The following PDE5A variants were observed in gnomAD, a reference collection of about 807,000 sequenced individuals.
The protein encoded by PDE5A is cGMP-specific 3',5'-cyclic phosphodiesterase.
PDE5A carries 67 observed loss-of-function variants against 110.2 expected under a neutral mutation model. The ratio of observed to expected loss-of-function variants is 0.61; its 90% CI spans 0.50 to 0.75. The LOEUF is 0.75. PDE5A is among the 30% of genes least tolerant of loss of function. The pLI is 0.00. For missense variants in PDE5A, 862 were observed against 1,045.1 expected (o/e 0.82, Z 2.42); for synonymous variants, 328 against 351.2 (o/e 0.93, Z 0.74).
intron 3 of PDE5A, among the ~76,000 whole-genome samples, chr4:119,575,777 AC>A (rs1218983628): frequency 6.6e-6 from 1 of 152,224 alleles, no homozygotes; most frequent in African/African-American, 2.4e-5. Context: ...AACTGCATCA[AC>A]TAACGAGTAA....
At chr4:119,532,148 T>C (rs1322837836) in intron 11 of PDE5A, among the ~76,000 whole-genome samples, 1 of 152,178 alleles carries the variant, frequency 6.6e-6, no homozygotes, top group African/African-American at 2.4e-5. Context: ...TTATAGGCTT[T>C]CTAAAAGTCT....
At chr4:119,520,295 GGAATCACTTACCTA>G (rs1726077043) in intron 13 of PDE5A, among the ~76,000 whole-genome samples, 2 of 152,050 alleles carry the variant, frequency 1.3e-5, no homozygotes, top group African/African-American at 4.8e-5. Flanking sequence ...ATGGATGCCT[GGAATCACTTACCTA>G]GAATAACTAG....
chr4:119,619,434 C>A (rs1560645817), intron 1 of PDE5A, among the ~76,000 whole-genome samples: 1 of 152,150 alleles, frequency 6.6e-6, no homozygotes, highest in Admixed American at 6.5e-5. Flanking sequence ...GTTTGAGGTT[C>A]ATTAACTTGA....
chr4:119,611,447 G>T (rs1368796515), intron 1 of PDE5A, among the ~76,000 whole-genome samples: 2 of 151,374 alleles, frequency 1.3e-5, no homozygotes, highest in Non-Finnish European at 2.9e-5. Context: ...CTAAATGCTG[G>T]TGTGTTTATT....
Position 119,565,312 on chromosome 4 carries a change from C to A in PDE5A, c.993+9G>T, listed in dbSNP as rs376942379. ...ATTTCTATGCACTTTCTTTAGTAATCAGACTGACCTGATTTCTCTTGTTCT... is the reference window on the plus strand; with the variant it reads ...ATTTCTATGCACTTTCTTTAGTAATAAGACTGACCTGATTTCTCTTGTTCT... On this transcript the variant is annotated intron_variant, in intron 5 of 20. Coordinates refer to ENST00000354960, the MANE Select transcript of PDE5A (RefSeq NM_001083.4). 4 of 1,581,430 alleles carry A rather than the reference C, an allele frequency of 2.5e-6. No individual in the cohort carries two copies.
At chr4:119,537,210 TA>T (rs1168106898) in intron 11 of PDE5A, among the ~76,000 whole-genome samples, 5 of 152,132 alleles carry the variant, frequency 3.3e-5, no homozygotes, top group Non-Finnish European at 2.9e-5. Flanking sequence ...AACCAAACAA[TA>T]AAAAACTTCA....
Position 119,502,638 on chromosome 4 carries a change from T to G in PDE5A, c.2349A>C (p.Ala783=). The change falls in exon 19 of 21, where the codon GCA becomes GCC. Residue 783 remains alanine, a synonymous_variant. Coordinates refer to ENST00000354960, the MANE Select transcript of PDE5A (RefSeq NM_001083.4). ...PIQQRIAELV[A]TEFFDQGDRE... is the part of the protein sequence containing the mutation. The stretch of plus-strand genomic sequence containing the variant: ...TGTCTCCTTGATCAAAAAATTCAGT[T>G]GCTACAAGTTCTGCTATCTGAAATA... 1.9e-6 allele frequency: 3 copies of G among 1,605,518 alleles called. No individual in the cohort carries two copies. Among genetic ancestry groups the G allele is most frequent in the Non-Finnish European group, 2.6e-6 (3 of 1,172,766 alleles).
Position 119,555,303 on chromosome 4 carries a change from T to C in PDE5A, c.1200-1557A>G, listed in dbSNP as rs149636065. Among the ~76,000 whole-genome samples, 350 of 152,322 alleles carry C rather than the reference T, an allele frequency of 2.3e-3. 2 individuals carry two copies. Among genetic ancestry groups the C allele is most frequent in the Non-Finnish European group, 3.6e-3 (247 of 68,036 alleles). On this transcript the variant is annotated intron_variant, in intron 7 of 20. Coordinates refer to ENST00000354960, the MANE Select transcript of PDE5A (RefSeq NM_001083.4). ...AGTAAATGAACTTTAAATTGAATAT[T>C]TCTTGAGACTAGGCTGAGAGTCTGT...
chr4:119,618,547 A>T (rs1730022233), intron 1 of PDE5A, among the ~76,000 whole-genome samples: 1 of 152,144 alleles, frequency 6.6e-6, no homozygotes, highest in Admixed American at 6.5e-5. Context: ...TCATATTAAG[A>T]TTAGGTGATA....
intron 8 of PDE5A, among the ~76,000 whole-genome samples, chr4:119,553,040 T>C (rs1727414056): frequency 6.6e-6 from 1 of 152,092 alleles, no homozygotes; most frequent in African/African-American, 2.4e-5. Flanking sequence ...ATAATACCAC[T>C]GTTGCTATTG....
At chr4:119,594,294 G>T (rs1310960675) in intron 3 of PDE5A, among the ~76,000 whole-genome samples, 2 of 152,270 alleles carry the variant, frequency 1.3e-5, no homozygotes, top group African/African-American at 4.8e-5. Context: ...GACTGTTGGA[G>T]AAATTGTTCA....
intron 11 of PDE5A, among the ~76,000 whole-genome samples, chr4:119,538,259 A>G (rs1209872785): frequency 6.6e-6 from 1 of 152,170 alleles, no homozygotes; most frequent in East Asian, 1.9e-4. Context: ...TGAGGATGAC[A>G]GAAAAAGACT....
At chr4:119,539,080 A>G (rs1726829530) in intron 10 of PDE5A, 61 bp from the exon 11 acceptor site, 1 of 1,247,638 alleles carries the variant, frequency 8.0e-7, no homozygotes, top group Non-Finnish European at 1.2e-6. Context: ...GTAGACTAGA[A>G]CTTCAAGCTT....
intron 3 of PDE5A, among the ~76,000 whole-genome samples, chr4:119,595,231 A>C (rs184341234): frequency 4.6e-5 from 7 of 152,294 alleles, no homozygotes; most frequent in African/African-American, 1.7e-4. Flanking sequence ...TTTGAATATA[A>C]ATCAAGTAGA....
rs11947234 is a variant in PDE5A, at chr4:119,553,704, A to G, written c.1242T>C (p.Tyr414=). ...TAAGTGGTTCCATAGTATTTTTGACATACTGAGCATACATGTAATTGATTT... is the reference window on the plus strand; with the variant it reads ...TAAGTGGTTCCATAGTATTTTTGACGTACTGAGCATACATGTAATTGATTT... ...ANKINYMYAQ[Y]VKNTMEPLNI... is the part of the protein sequence containing the mutation. The change falls in exon 8 of 21, where the codon TAT becomes TAC. Residue 414 remains tyrosine, a synonymous_variant. Coordinates refer to ENST00000354960, the MANE Select transcript of PDE5A (RefSeq NM_001083.4). 0.28 allele frequency: 440,833 copies of G among 1,587,744 alleles called. 63,140 individuals are homozygous for G. Among genetic ancestry groups the G allele is most frequent in the East Asian group, 0.35 (15,562 of 44,506 alleles).
chr4:119,621,910 C>T (rs1424110688), intron 1 of PDE5A, among the ~76,000 whole-genome samples: 2 of 152,190 alleles, frequency 1.3e-5, no homozygotes, highest in Non-Finnish European at 2.9e-5. Flanking sequence ...GTGGCTCACG[C>T]CTGTAATCCC....
intron 11 of PDE5A, among the ~76,000 whole-genome samples, chr4:119,529,269 G>T (rs10013305): frequency 6.6e-6 from 1 of 151,906 alleles, no homozygotes; most frequent in African/African-American, 2.4e-5. Context: ...ATGTTTTCAC[G>T]TAGCTAATTC....
In PDE5A at chr4:119,528,006, T is replaced by C. The variant is rs923493072; in HGVS notation, c.1633-2311A>G. On this transcript the variant is annotated intron_variant, in intron 11 of 20. Transcript: ENST00000354960. ...GTGTTTAATTCAAATATGGTTAAGCTCTTACAGGACTATGGTTTTAATGTC... is the reference window on the plus strand; with the variant it reads ...GTGTTTAATTCAAATATGGTTAAGCCCTTACAGGACTATGGTTTTAATGTC... Among the ~76,000 whole-genome samples, 6 of 151,998 alleles carry C rather than the reference T, an allele frequency of 3.9e-5. No individual in the cohort carries two copies. In the South Asian group the frequency reaches 1.0e-3, roughly 26 times the overall value.
At chr4:119,510,469 CCAAA>C (rs1163642347) in intron 15 of PDE5A, among the ~76,000 whole-genome samples, 3 of 151,958 alleles carry the variant, frequency 2.0e-5, no homozygotes, top group South Asian at 2.1e-4. Context: ...ACCATCCCCC[CCAAA>C]CAAAGATTAA....
Sources: gnomAD v4.1 joint callset for allele counts (sites outside exome capture counted in the v4.1 genomes callset) on GRCh38, gnomAD v4.1.1 for gene constraint, MANE v1.5 for transcripts, NCBI Gene and HGNC (gene_info 2026-07-23, HGNC 2026-07-21) for gene names.